The following TCF25 variants were observed in gnomAD, a reference collection of about 807,000 sequenced individuals.
TCF25 encodes TCF25 ribosome quality control complex subunit.
TCF25 carries 41 observed loss-of-function variants against 83.1 expected under a neutral mutation model. That is an observed-to-expected ratio of 0.49 (90% CI 0.38 to 0.64). TCF25 has a LOEUF of 0.64. Among genes scored for constraint, TCF25 ranks in the 30% least tolerant of loss-of-function variants. The probability of loss-of-function intolerance (pLI) is 0.00; values close to 1 mark genes in which losing one functional copy is unlikely to be tolerated. For synonymous variants in TCF25, 458 were observed against 365.0 expected (o/e 1.25, Z -2.90); for missense variants, 979 against 914.5 (o/e 1.07, Z -0.91).
At chr16:89,878,421 A>G (rs779645270) in intron 1 of TCF25, 3 of 1,233,024 alleles carry the variant, frequency 2.4e-6, no homozygotes, top group African/African-American at 1.7e-5. Context: ...CTCCGTCTCT[A>G]TTAAAAATCA....
At chr16:89,905,301 G>A (rs1052519799) in intron 14 of TCF25, among the ~76,000 whole-genome samples, 1 of 152,168 alleles carries the variant, frequency 6.6e-6, no homozygotes, top group Non-Finnish European at 1.5e-5. Context: ...GGTGATCAGC[G>A]CAGGGTACCG....
intron 7 of TCF25, 187 bp from the exon 8 acceptor site, chr16:89,894,851 G>A: frequency 4.1e-6 from 2 of 482,238 alleles, no homozygotes; most frequent in South Asian, 2.3e-5. Flanking sequence ...TGCCACGTTG[G>A]CCAGGCTGGT....
chr16:89,894,166 C>T (rs1167776712), intron 7 of TCF25, among the ~76,000 whole-genome samples: 1 of 152,186 alleles, frequency 6.6e-6, no homozygotes, highest in Non-Finnish European at 1.5e-5. Flanking sequence ...CTCACTGCTG[C>T]CCTTGCCTCC....
chr16:89,892,204 G>T lies in TCF25; in HGVS notation c.626G>T (p.Arg209Ile), dbSNP rs2043485254. 1 of 1,611,424 alleles carries T rather than the reference G, an allele frequency of 6.2e-7. No individual in the cohort carries two copies. Among genetic ancestry groups the T allele is most frequent in the East Asian group, 2.2e-5 (1 of 44,676 alleles). ...CCCGTTCTCCCCAGGCCACGGCAGA[G>T]ACAACGTGTGTACCCCAAGTGCACA... ...AILGEQRPRQ[R>I]QRVYPKCTWL... Residue 209 changes from arginine (R) to isoleucine (I), a missense_variant, in exon 6 of 18, where the codon AGA (arginine) becomes ATA (isoleucine). By Grantham distance (97) the Arg-to-Ile change is moderately conservative. Coordinates refer to ENST00000263346, the MANE Select transcript of TCF25 (RefSeq NM_014972.3).
At position 89,885,882 on chromosome 16, in the gene TCF25, A is replaced by G; in HGVS notation, c.464A>G (p.Glu155Gly). 1 of 1,614,098 alleles carries G rather than the reference A, an allele frequency of 6.2e-7. No individual in the cohort carries two copies. Among genetic ancestry groups the G allele is most frequent in the Non-Finnish European group, 8.5e-7 (1 of 1,180,000 alleles). The part of the protein sequence containing the change: ...NGLEDIDRIL[E>G]RIEDSTGLNR... ...CTAGAAGATATCGATCGCATCCTAGAGAGGATTGAGGACAGCACTGGGTTG... is the reference window on the plus strand; with the variant it reads ...CTAGAAGATATCGATCGCATCCTAGGGAGGATTGAGGACAGCACTGGGTTG... Residue 155 changes from glutamate (E) to glycine (G), a missense_variant, in exon 4 of 18, where the codon GAG (glutamate) becomes GGG (glycine). By Grantham distance (98) the Glu-to-Gly change is moderately conservative (BLOSUM62 -2). Transcript: ENST00000263346.
chr16:89,907,120 C>T (rs2044857524), intron 15 of TCF25, 123 bp from the exon 16 acceptor site: 3 of 972,556 alleles, frequency 3.1e-6, no homozygotes, highest in Non-Finnish European at 1.6e-6. Context: ...CTGTCAGACT[C>T]TGTGGCTATC....
intron 8 of TCF25, among the ~76,000 whole-genome samples, chr16:89,895,641 A>G (rs2043792925): frequency 1.3e-5 from 2 of 152,224 alleles, no homozygotes; most frequent in African/African-American, 4.8e-5. Context: ...TCATTAGTTG[A>G]CGGCCGTGTG....
At chr16:89,897,503 G>A (rs1311983302) in intron 9 of TCF25, among the ~76,000 whole-genome samples, 4 of 152,374 alleles carry the variant, frequency 2.6e-5, no homozygotes, top group South Asian at 2.1e-4. Flanking sequence ...CCGCTGACCC[G>A]TTCTGCACAG....
Position 89,898,587 on chromosome 16 carries a change from G to A in TCF25, c.1053G>A (p.Met351Ile). The A allele has an allele frequency of 6.2e-7, 1 of 1,606,546 alleles. No individual in the cohort carries two copies. ...RSFYLALYKQ[M>I]SFLEKRGCPR... ...TCTACCTGGCCCTCTACAAGCAGAT[G>A]AGCTTCCTGGAGAAGCGAGGCTGCC... is the stretch of plus-strand genomic sequence containing the variant. The change falls in exon 10 of 18, where the codon ATG becomes ATA. Residue 351 changes from methionine (M) to isoleucine (I), a missense_variant. Physicochemically the swap from Met to Ile is conservative, Grantham distance 10 (BLOSUM62 1). Transcript: ENST00000263346.
chr16:89,884,477 G>A, intron 2 of TCF25, 105 bp from the exon 3 acceptor site: 1 of 1,166,308 alleles, frequency 8.6e-7, no homozygotes, highest in South Asian at 1.4e-5. Context: ...CGGAGGGAGA[G>A]GTAGGGGCTG....
At chr16:89,909,173 G>T in intron 16 of TCF25, 1 of 1,269,540 alleles carries the variant, frequency 7.9e-7, no homozygotes, top group Non-Finnish European at 1.0e-6. Flanking sequence ...AATCAAAACT[G>T]CACCAGCCTG....
intron 9 of TCF25, 115 bp from the exon 10 acceptor site, chr16:89,898,442 T>A: frequency 1.0e-6 from 1 of 954,842 alleles, no homozygotes; most frequent in Non-Finnish European, 1.6e-6. Context: ...GAATGGGTGG[T>A]ACTGGCCAGG....
At chr16:89,900,395 C>A (rs994722292) in intron 11 of TCF25, among the ~76,000 whole-genome samples, 1 of 151,720 alleles carries the variant, frequency 6.6e-6, no homozygotes, top group South Asian at 2.1e-4. Flanking sequence ...ACGGTGTCCT[C>A]GCTCCGGCTC....
At chr16:89,894,986 G>T in intron 7 of TCF25, 52 bp from the exon 8 acceptor site, 2 of 1,540,324 alleles carry the variant, frequency 1.3e-6, no homozygotes, top group African/African-American at 2.7e-5. Flanking sequence ...ATGCCTGGGA[G>T]CTGGGGCCTT....
At chr16:89,884,540 T>G in intron 2 of TCF25, 42 bp from the exon 3 acceptor site, 1 of 1,602,266 alleles carries the variant, frequency 6.2e-7, no homozygotes, top group Non-Finnish European at 8.5e-7. Flanking sequence ...TTCTTAAGAT[T>G]TACTTCTCAT....
chr16:89,875,393 GT>G (rs1380016552), intron 1 of TCF25, among the ~76,000 whole-genome samples: 1 of 151,532 alleles, frequency 6.6e-6, no homozygotes, highest in East Asian at 1.9e-4. Context: ...TATTTTCTCG[GT>G]TTGTGTTTGT....
At chr16:89,903,973 A>G in intron 12 of TCF25, 145 bp from the exon 13 acceptor site, 1 of 778,438 alleles carries the variant, frequency 1.3e-6, no homozygotes, top group Non-Finnish European at 2.0e-6. Flanking sequence ...ACCACCCGGA[A>G]GCAAGCCGCT....
chr16:89,906,428 G>A, intron 15 of TCF25, 144 bp downstream of exon 15: 1 of 709,914 alleles, frequency 1.4e-6, no homozygotes, highest in Non-Finnish European at 2.4e-6. Context: ...AGGGTCTAGT[G>A]CAGAGGGCTC....
In TCF25 at chr16:89,900,804, C is replaced by T. The variant is rs557870991; in HGVS notation, c.1381+10C>T. 27 of 1,561,398 alleles carry T rather than the reference C, an allele frequency of 1.7e-5. No homozygotes were observed. Among genetic ancestry groups the T allele is most frequent in the African/African-American group, 5.4e-5 (4 of 74,184 alleles). On this transcript the variant is annotated intron_variant, in intron 12 of 17. Coordinates refer to ENST00000263346, the MANE Select transcript of TCF25 (RefSeq NM_014972.3). ...ACCATGTTCCCTGGAGGTGAGTGAG[C>T]GCTGTGTCTCGCCTGGGGTAGGGGT...
Sources: gnomAD v4.1 joint callset for allele counts (sites outside exome capture counted in the v4.1 genomes callset) on GRCh38, gnomAD v4.1.1 for gene constraint, MANE v1.5 for transcripts, NCBI Gene and HGNC (gene_info 2026-07-23, HGNC 2026-07-21) for gene names.